The following SNX29 variants were observed in gnomAD, a reference collection of about 807,000 sequenced individuals.
SNX29 encodes sorting nexin 29.
SNX29 carries 78 observed loss-of-function variants against 102.1 expected under a neutral mutation model. The ratio of observed to expected loss-of-function variants is 0.76; its 90% CI spans 0.64 to 0.92. The LOEUF is 0.92. Among genes scored for constraint, SNX29 ranks in the 40% least tolerant of loss-of-function variants. SNX29 has a pLI of 0.00. For missense variants in SNX29, 1,280 were observed against 1,061.7 expected, an observed-to-expected ratio of 1.21 and a Z score of -2.86; for synonymous variants, 580 against 414.5, an observed-to-expected ratio of 1.40 and a Z score of -4.85.
intron 20 of SNX29, among the ~76,000 whole-genome samples, chr16:12,540,415 A>G (rs1258123094): frequency 2.0e-5 from 3 of 152,188 alleles, no homozygotes; most frequent in African/African-American, 7.2e-5. Context: ...TAAAAACTAC[A>G]GATTTATTCT....
At chr16:12,477,974 G>A (rs188792255) in intron 19 of SNX29, 115 bp downstream of exon 19, 2 of 1,251,026 alleles carry the variant, frequency 1.6e-6, no homozygotes, top group East Asian at 5.4e-5. Flanking sequence ...AAAGTTGGTG[G>A]AGATAAGAAA....
chr16:12,502,752 A>T (rs1320065157), intron 19 of SNX29, among the ~76,000 whole-genome samples: 3 of 152,212 alleles, frequency 2.0e-5, no homozygotes, highest in Non-Finnish European at 4.4e-5. Flanking sequence ...GACAAATTAT[A>T]ATAGGAGTAA....
chr16:12,224,604 A>C (rs1442987578), intron 14 of SNX29, among the ~76,000 whole-genome samples: 1 of 152,256 alleles, frequency 6.6e-6, no homozygotes, highest in Non-Finnish European at 1.5e-5. Flanking sequence ...TCTTCAGGTC[A>C]AAACAGGGAA....
At chr16:12,540,367 T>G (rs62026884) in intron 20 of SNX29, among the ~76,000 whole-genome samples, 1 of 152,126 alleles carries the variant, frequency 6.6e-6, no homozygotes, top group African/African-American at 2.4e-5. Context: ...TATTAATTTC[T>G]TATTGTTGCC....
At chr16:11,996,152 C>A (rs952446794) in intron 1 of SNX29, among the ~76,000 whole-genome samples, 4 of 152,064 alleles carry the variant, frequency 2.6e-5, no homozygotes, top group African/African-American at 9.7e-5. Context: ...ACCTATTATC[C>A]CAGCTGTTTG....
chr16:12,175,605 G>T (rs1373007737), intron 13 of SNX29, among the ~76,000 whole-genome samples: 1 of 151,534 alleles, frequency 6.6e-6, no homozygotes, highest in Non-Finnish European at 1.5e-5. Context: ...GAGCCGAGAT[G>T]GTGCCCCTGC....
intron 13 of SNX29, among the ~76,000 whole-genome samples, chr16:12,153,640 A>AT (rs144224447): frequency 0.076 from 10,529 of 139,266 alleles, 503 homozygotes; most frequent in African/African-American, 0.14. Flanking sequence ...CACCTGGCTA[A>AT]TTTTTTTTTT....
intron 20 of SNX29, among the ~76,000 whole-genome samples, chr16:12,535,909 G>A (rs1330990717): frequency 2.0e-5 from 3 of 152,160 alleles, no homozygotes; most frequent in Non-Finnish European, 2.9e-5. Context: ...GAGGTTAATT[G>A]AAGAAAGGGC....
chr16:12,563,206 A>T (rs946023132), intron 20 of SNX29, among the ~76,000 whole-genome samples: 3 of 40,504 alleles, frequency 7.4e-5, no homozygotes, highest in Admixed American at 1.9e-4. Flanking sequence ...ACATGCTGGG[A>T]TTGAGGCTCA....
intron 8 of SNX29, 57 bp from the exon 9 acceptor site, chr16:12,061,471 A>G: frequency 1.4e-6 from 2 of 1,406,458 alleles, no homozygotes; most frequent in Non-Finnish European, 9.8e-7. Flanking sequence ...CTTGTTGGTG[A>G]GTCATGCGGC....
intron 15 of SNX29, among the ~76,000 whole-genome samples, chr16:12,314,285 C>T (rs2080660474): frequency 6.6e-6 from 1 of 152,238 alleles, no homozygotes; most frequent in Non-Finnish European, 1.5e-5. Flanking sequence ...AGGCATGAGC[C>T]ACTGTACCCA....
chr16:12,369,944 C>T (rs1264284068), intron 16 of SNX29, among the ~76,000 whole-genome samples: 1 of 152,210 alleles, frequency 6.6e-6, no homozygotes, highest in Non-Finnish European at 1.5e-5. Flanking sequence ...AGGCCAGGCA[C>T]AGTGGCTGAT....
intron 20 of SNX29, chr16:12,545,518 G>A (rs905182315): frequency 1.3e-5 from 2 of 152,226 alleles, no homozygotes; most frequent in Non-Finnish European, 1.5e-5. Flanking sequence ...CTGTCAGAGT[G>A]GGTGACCAGG....
rs146103050 is a variant in SNX29 at position 12,560,198 on chromosome 16, T to C, written c.2319-8308T>C. ...TTTTAATTCACCATTTAACTTGTGC[T>C]TGTAGAAGAGCAACTACACAGCCAG... On this transcript the variant is annotated intron_variant, in intron 20 of 20. Coordinates refer to ENST00000566228, the MANE Select transcript of SNX29 (RefSeq NM_032167.5). Among the ~76,000 whole-genome samples the C allele has an allele frequency of 4.5e-4, 67 of 149,262 alleles. 1 individual carries two copies. The East Asian group carries it at 0.012, about 26-fold the overall frequency.
chr16:12,065,684 C>T (rs566082605), intron 9 of SNX29, among the ~76,000 whole-genome samples: 9 of 152,238 alleles, frequency 5.9e-5, no homozygotes, highest in South Asian at 4.1e-4. Context: ...GTCAGTGTTG[C>T]GGTGGCTGGG....
chr16:12,554,275 A>G (rs760124385), intron 20 of SNX29, among the ~76,000 whole-genome samples: 28 of 152,332 alleles, frequency 1.8e-4, no homozygotes, highest in Middle Eastern at 3.4e-3. Flanking sequence ...GCATCTGTGT[A>G]TACATGGGTG....
chr16:12,552,311 G>A (rs562523500), intron 20 of SNX29, among the ~76,000 whole-genome samples: 8 of 152,296 alleles, frequency 5.3e-5, no homozygotes, highest in African/African-American at 1.2e-4. Flanking sequence ...TTCTAGAAGA[G>A]GTGATAATGG....
chr16:12,330,731 G>A (rs965396951), intron 15 of SNX29, among the ~76,000 whole-genome samples: 1 of 152,188 alleles, frequency 6.6e-6, no homozygotes, highest in Non-Finnish European at 1.5e-5. Context: ...GCTGAGGGTG[G>A]CATCCTTGCT....
At chr16:12,215,259 C>G (rs1396354979) in intron 14 of SNX29, among the ~76,000 whole-genome samples, 1 of 150,064 alleles carries the variant, frequency 6.7e-6, no homozygotes, top group East Asian at 2.0e-4. Context: ...CTTTGAGAGG[C>G]TGAGGTAGGA....
Sources: allele counts gnomAD v4.1 joint callset (sites outside exome capture counted in the v4.1 genomes callset), GRCh38; gene constraint gnomAD v4.1.1; transcripts MANE v1.5; gene names NCBI Gene and HGNC (gene_info 2026-07-23, HGNC 2026-07-21).